Variants in CPQ observed in about 807,000 individuals in gnomAD.
CPQ encodes Ser-Met dipeptidase.
In CPQ, 37 loss-of-function variants were observed where a neutral mutation model predicts 45.7. That is an observed-to-expected ratio of 0.81 (90% CI 0.62 to 1.07). CPQ has a LOEUF of 1.07. CPQ is among the 50% of genes least tolerant of loss of function. CPQ has a pLI of 0.00. For missense variants in CPQ, 537 were observed against 572.9 expected, an observed-to-expected ratio of 0.94 and a Z score of 0.64; for synonymous variants, 186 against 205.8, an observed-to-expected ratio of 0.90 and a Z score of 0.82.
chr8:97,030,238 G>T (rs1368008850), intron 6 of CPQ, among the ~76,000 whole-genome samples: 2 of 152,216 alleles, frequency 1.3e-5, no homozygotes, highest in Non-Finnish European at 2.9e-5. Context: ...CCAGAGAGGA[G>T]CATTTGGTCT....
chr8:96,983,897 T>G (rs975342981), intron 5 of CPQ, among the ~76,000 whole-genome samples: 1 of 152,046 alleles, frequency 6.6e-6, no homozygotes, highest in African/African-American at 2.4e-5. Flanking sequence ...TTCTGGTATA[T>G]TTTAAAATAT....
At chr8:96,850,434 C>T (rs952391613) in intron 3 of CPQ, among the ~76,000 whole-genome samples, 1 of 152,064 alleles carries the variant, frequency 6.6e-6, no homozygotes, top group African/African-American at 2.4e-5. Flanking sequence ...CACCTCAAGT[C>T]GCTTAGTTCC....
At chr8:97,081,122 T>G (rs1157014706) in intron 7 of CPQ, among the ~76,000 whole-genome samples, 1 of 152,182 alleles carries the variant, frequency 6.6e-6, no homozygotes, top group Non-Finnish European at 1.5e-5. Flanking sequence ...TTTACAGAAA[T>G]AGTTCATTGA....
At chr8:97,133,268 C>A (rs1464528927) in intron 7 of CPQ, 6 of 152,170 alleles carry the variant, frequency 3.9e-5, no homozygotes, top group Non-Finnish European at 7.3e-5. Context: ...CAATACTCCT[C>A]ATACCTAGAG....
intron 4 of CPQ, among the ~76,000 whole-genome samples, chr8:96,921,398 A>G (rs1312288169): frequency 6.6e-6 from 1 of 152,184 alleles, no homozygotes; most frequent in Non-Finnish European, 1.5e-5. Context: ...CCAGAACCTA[A>G]TGCCTTTCAA....
At chr8:96,967,385 T>C (rs1430431567) in intron 5 of CPQ, among the ~76,000 whole-genome samples, 2 of 152,222 alleles carry the variant, frequency 1.3e-5, no homozygotes, top group African/African-American at 4.8e-5. Context: ...CTGGACTTCA[T>C]TTTTCTCATC....
chr8:97,136,875 A>G (rs1033605989), intron 7 of CPQ, among the ~76,000 whole-genome samples: 3 of 152,202 alleles, frequency 2.0e-5, no homozygotes, highest in Non-Finnish European at 4.4e-5. Context: ...CCCTGGGGAT[A>G]GTTAACATTC....
intron 1 of CPQ, among the ~76,000 whole-genome samples, chr8:96,652,813 T>C (rs191623461): frequency 6.6e-6 from 1 of 152,284 alleles, no homozygotes; most frequent in Non-Finnish European, 1.5e-5. Context: ...TTTTTGTATT[T>C]TTACTAGAGA....
At chr8:96,857,842 A>G (rs1811870292) in intron 3 of CPQ, among the ~76,000 whole-genome samples, 1 of 147,282 alleles carries the variant, frequency 6.8e-6, no homozygotes, top group Admixed American at 6.6e-5. Context: ...GATAATTCTT[A>G]TGCTGTCAAA....
At chr8:97,123,772 A>G (rs560579949) in intron 7 of CPQ, among the ~76,000 whole-genome samples, 19 of 152,296 alleles carry the variant, frequency 1.2e-4, no homozygotes, top group South Asian at 6.2e-4. Context: ...TTACAAAAAA[A>G]ATATTTTAAA....
chr8:97,005,717 T>C (rs894186728), intron 5 of CPQ, among the ~76,000 whole-genome samples: 1 of 152,112 alleles, frequency 6.6e-6, no homozygotes, highest in Non-Finnish European at 1.5e-5. Flanking sequence ...TAATAGCATA[T>C]ATGTAACACT....
chr8:96,791,045 C>T (rs1810839407), intron 2 of CPQ, among the ~76,000 whole-genome samples: 1 of 152,084 alleles, frequency 6.6e-6, no homozygotes. Flanking sequence ...ATGTTAGACA[C>T]CAACTTAAAT....
At position 96,994,024 on chromosome 8, in the gene CPQ, G is replaced by C. The variant is rs1360659870; in HGVS notation, c.961+27978G>C. Among the ~76,000 whole-genome samples, 3 of 152,082 alleles carry C rather than the reference G, an allele frequency of 2.0e-5. No individual in the cohort carries two copies. The East Asian group carries it at 5.8e-4, about 29-fold the overall frequency. ...AGGGCCTAACTGGTTAAGAGCTTGTGTGCCTCTTTCAACCCTCACTTTCCC... is the reference window on the plus strand; with the variant it reads ...AGGGCCTAACTGGTTAAGAGCTTGTCTGCCTCTTTCAACCCTCACTTTCCC... On this transcript the variant is annotated intron_variant, in intron 5 of 7. Coordinates refer to ENST00000220763, the MANE Select transcript of CPQ (RefSeq NM_016134.4).
At chr8:96,993,131 G>A (rs535238301) in intron 5 of CPQ, among the ~76,000 whole-genome samples, 35 of 152,298 alleles carry the variant, frequency 2.3e-4, no homozygotes, top group Admixed American at 7.9e-4. Flanking sequence ...AAGGTCTAGC[G>A]TAGTATATAT....
chr8:96,870,804 T>C (rs919661715), intron 3 of CPQ, among the ~76,000 whole-genome samples: 3 of 152,000 alleles, frequency 2.0e-5, no homozygotes, highest in Admixed American at 6.6e-5. Context: ...TTTGACAGAA[T>C]GGTGTATGCT....
At chr8:96,882,531 C>T (rs1435032395) in intron 4 of CPQ, among the ~76,000 whole-genome samples, 1 of 152,098 alleles carries the variant, frequency 6.6e-6, no homozygotes, top group Non-Finnish European at 1.5e-5. Flanking sequence ...GCTGGGTGAG[C>T]TGGCCTAAGG....
At chr8:97,125,605 A>G (rs1811834580) in intron 7 of CPQ, among the ~76,000 whole-genome samples, 1 of 152,224 alleles carries the variant, frequency 6.6e-6, no homozygotes, top group South Asian at 2.1e-4. Context: ...ATAATTTACC[A>G]CATTAACATA....
At chr8:96,939,086 T>G (rs762298587) in intron 4 of CPQ, among the ~76,000 whole-genome samples, 41 of 152,330 alleles carry the variant, frequency 2.7e-4, no homozygotes, top group Admixed American at 2.3e-3. Flanking sequence ...CAACAGAATA[T>G]GTACCACCTA....
intron 4 of CPQ, among the ~76,000 whole-genome samples, chr8:96,928,443 A>G (rs1032415612): frequency 3.3e-5 from 5 of 151,510 alleles, no homozygotes; most frequent in Non-Finnish European, 7.4e-5. Context: ...ACTGCATGAG[A>G]GAGAGACAGA....
Sources: gnomAD v4.1 joint callset for allele counts (sites outside exome capture counted in the v4.1 genomes callset) on GRCh38, gnomAD v4.1.1 for gene constraint, MANE v1.5 for transcripts, NCBI Gene and HGNC (gene_info 2026-07-23, HGNC 2026-07-21) for gene names.